Variants in C10orf143 observed in about 807,000 individuals in gnomAD.
C10orf143 encodes uncharacterized protein C10orf143.
chr10:130,091,816 A>G (rs1263491564), intron 1 of C10orf143, among the ~76,000 whole-genome samples: 1 of 152,242 alleles, frequency 6.6e-6, no homozygotes, highest in Non-Finnish European at 1.5e-5. Flanking sequence ...AAAGGATATC[A>G]GAGATTGAAG....
chr10:130,096,401 G>C (rs1469702661), intron 1 of C10orf143, among the ~76,000 whole-genome samples: 2 of 151,724 alleles, frequency 1.3e-5, no homozygotes, highest in Non-Finnish European at 2.9e-5. Flanking sequence ...CAAGGATCTA[G>C]AACCAGAAAT....
At chr10:130,096,614 G>T (rs1276215948) in intron 1 of C10orf143, among the ~76,000 whole-genome samples, 1 of 136,858 alleles carries the variant, frequency 7.3e-6, no homozygotes, top group African/African-American at 2.7e-5. Context: ...AACACCACAT[G>T]TTCTCACTCA....
intron 3 of C10orf143, among the ~76,000 whole-genome samples, chr10:130,039,226 T>A (rs943204293): frequency 6.6e-6 from 1 of 152,162 alleles, no homozygotes; most frequent in African/African-American, 2.4e-5. Flanking sequence ...TATACACAGA[T>A]ACATGGAGAA....
chr10:130,074,515 C>T lies in C10orf143; in HGVS notation c.297+5051G>A, dbSNP rs550276619. Among the ~76,000 whole-genome samples the T allele has an allele frequency of 5.1e-4, 77 of 152,244 alleles. No homozygotes were observed. In the Middle Eastern group the frequency reaches 0.017, roughly 34 times the overall value. On this transcript the variant is annotated intron_variant, in intron 3 of 3. Transcript: ENST00000637128. Reference sequence around the variant, plus strand: ...CGCATCGATCTCTGTTCATCGATATCAGAACGTTACATTTCCATCTTTGGT... The same window carrying T: ...CGCATCGATCTCTGTTCATCGATATTAGAACGTTACATTTCCATCTTTGGT...
downstream of C10orf143, among the ~76,000 whole-genome samples, chr10:130,062,184 C>G (rs149990580): frequency 4.6e-5 from 7 of 152,144 alleles, no homozygotes; most frequent in Non-Finnish European, 8.8e-5. Flanking sequence ...TTTTAGGTAC[C>G]CAGTCACAAG....
intron 3 of C10orf143, among the ~76,000 whole-genome samples, chr10:130,075,209 A>G (rs2134760489): frequency 6.6e-6 from 1 of 152,312 alleles, no homozygotes; most frequent in South Asian, 2.1e-4. Flanking sequence ...TTTCAGTGGT[A>G]ACTCCCTACC....
At chr10:130,046,054 G>C (rs1860667037) in intron 3 of C10orf143, among the ~76,000 whole-genome samples, 1 of 151,582 alleles carries the variant, frequency 6.6e-6, no homozygotes, top group South Asian at 2.1e-4. Flanking sequence ...TAGGGCTCAG[G>C]GCAGACGGAA....
chr10:130,056,333 G>T lies in C10orf143; in HGVS notation c.298-20363C>A, dbSNP rs1328164547. On this transcript the variant is annotated intron_variant and NMD_transcript_variant, in intron 3 of 5. Coordinates refer to the C10orf143 transcript ENST00000643056. This position sits in a 1 kb window ranked among gnomAD's most constrained non-coding sequence, Gnocchi z 4.6. The stretch of plus-strand genomic sequence containing the variant: ...CCGTACCAGAAGATCAGGGGTGGGG[G>T]TGCCGTCATGAGCAGGATGAGGGCA... Among the ~76,000 whole-genome samples, 2 of 152,116 alleles carry T rather than the reference G, an allele frequency of 1.3e-5. No homozygotes were observed. The highest frequency in any genetic ancestry group is 4.8e-5 in the African/African-American group (2 of 41,402).
At chr10:130,045,070 G>A (rs1860651630) in intron 3 of C10orf143, among the ~76,000 whole-genome samples, 3 of 152,142 alleles carry the variant, frequency 2.0e-5, no homozygotes, top group Admixed American at 2.0e-4. Context: ...TGTTCTCTGG[G>A]GTCCAGGGGC....
At chr10:130,098,700 C>A (rs1861499920) in intron 1 of C10orf143, among the ~76,000 whole-genome samples, 1 of 152,186 alleles carries the variant, frequency 6.6e-6, no homozygotes. Flanking sequence ...CAACAGACAC[C>A]TGAAGAGGTG....
At chr10:130,078,305 T>G (rs1861152993) in intron 3 of C10orf143, among the ~76,000 whole-genome samples, 1 of 152,078 alleles carries the variant, frequency 6.6e-6, no homozygotes, top group South Asian at 2.1e-4. Context: ...TGGGGGGATG[T>G]GAAAGATACA....
At chr10:130,100,957 T>A (rs1168982992) in intron 1 of C10orf143, 2 of 151,832 alleles carry the variant, frequency 1.3e-5, no homozygotes, top group African/African-American at 2.4e-5. Context: ...GTGGCTTACA[T>A]CTATAATCCC....
intron 1 of C10orf143, chr10:130,106,925 A>G (rs763119652): frequency 2.0e-6 from 2 of 1,011,742 alleles, no homozygotes; most frequent in Non-Finnish European, 3.2e-6. Flanking sequence ...CTTAGAAGTG[A>G]ACAGTGAATC....
rs148869275 is a variant in C10orf143, at chr10:130,108,320, CCTT to C, written c.69+2381_69+2383del. ...TGTCTATCCACCGAGGGGTTTTCCT[CCTT>C]ACCCTCCCCCAAGACCTGGATTTTT... On this transcript the variant is annotated intron_variant, in intron 1 of 3. Coordinates refer to ENST00000637128, the MANE Select transcript of C10orf143 (RefSeq NM_001355042.2). 2.0e-3 allele frequency: 3,059 copies of C among 1,532,898 alleles called. 62 individuals are homozygous for C. The African/African-American group carries it at 0.035, about 17-fold the overall frequency. The allele number at this position is 1,532,898 out of a possible 1,614,324, so 95.0% of individuals were successfully genotyped here.
chr10:130,088,016 T>TTAAGC (rs1471757610), intron 1 of C10orf143, among the ~76,000 whole-genome samples: 2 of 152,208 alleles, frequency 1.3e-5, no homozygotes, highest in African/African-American at 4.8e-5. Context: ...ACACACTGAA[T>TTAAGC]TAAGCATATG....
intron 3 of C10orf143, among the ~76,000 whole-genome samples, chr10:130,052,554 C>T (rs1860749442): frequency 6.6e-6 from 1 of 152,194 alleles, no homozygotes; most frequent in Non-Finnish European, 1.5e-5. Context: ...CCCCAGCCTG[C>T]GTCAGCCCCA....
rs1478297184 is a variant in C10orf143, at chr10:130,110,769, C to A, written c.4G>T (p.Asp2Tyr). The A allele has an allele frequency of 2.5e-6, 1 of 398,964 alleles. No homozygotes were observed. Among genetic ancestry groups the A allele is most frequent in the East Asian group, 3.6e-5 (1 of 28,074 alleles). The allele number at this position is 398,964 out of a possible 1,614,324, so 24.7% of individuals were successfully genotyped here. A position where few individuals can be genotyped will look rare whatever the true frequency, so the allele number is the denominator to read the frequency against. MDSLALGRWRQR... is the reference protein window; with the variant it reads MYSLALGRWRQR... ...CGCCAGCGGCCGAGCGCTAAGCTGT[C>A]CATGCAGCCCCAGGGTCAAACCCTC... Residue 2 changes from aspartate (D) to tyrosine (Y), a missense_variant, in exon 1 of 4, where the codon GAC becomes TAC. Coordinates refer to ENST00000637128, the MANE Select transcript of C10orf143 (RefSeq NM_001355042.2).
At chr10:130,077,255 G>C (rs1307606788) in intron 3 of C10orf143, among the ~76,000 whole-genome samples, 1 of 152,096 alleles carries the variant, frequency 6.6e-6, no homozygotes, top group Admixed American at 6.5e-5. Context: ...TCAAAACCCT[G>C]TATGTGTGAG....
intron 3 of C10orf143, among the ~76,000 whole-genome samples, chr10:130,072,594 CA>C (rs1861050923): frequency 6.6e-6 from 1 of 152,038 alleles, no homozygotes; most frequent in Non-Finnish European, 1.5e-5. Flanking sequence ...AAAAACCTTC[CA>C]ATTTTTTTTC....
Sources: gnomAD v4.1 joint callset for allele counts (sites outside exome capture counted in the v4.1 genomes callset) on GRCh38, gnomAD v4.1.1 for gene constraint, Gnocchi (gnomAD v3.1) non-coding constraint, MANE v1.5 for transcripts, NCBI Gene and HGNC (gene_info 2026-07-23, HGNC 2026-07-21) for gene names.